SLIT3: variants seen among roughly 807,000 people sequenced by gnomAD.
SLIT3 encodes the protein slit guidance ligand 3.
In SLIT3, 68 loss-of-function variants were observed where a neutral mutation model predicts 184.0. That is an observed-to-expected ratio of 0.37 (90% confidence interval 0.30 to 0.45). SLIT3 has a LOEUF of 0.45. SLIT3 is among the 20% of genes least tolerant of loss of function. SLIT3 has a pLI of 1.00. For missense variants in SLIT3, 1,707 were observed against 2,026.0 expected, an observed-to-expected ratio of 0.84 and a Z score of 3.02; for synonymous variants, 831 against 828.6, an observed-to-expected ratio of 1.00 and a Z score of -0.05.
At chr5:168,740,994 G>A (rs574410480) in intron 20 of SLIT3, among the ~76,000 whole-genome samples, 115 of 152,306 alleles carry the variant, frequency 7.6e-4, no homozygotes, top group Non-Finnish European at 1.5e-3. Flanking sequence ...AGGGCAGGAA[G>A]CTCACTGCAC....
chr5:169,117,891 C>T (rs193171557), intron 4 of SLIT3, among the ~76,000 whole-genome samples: 3 of 152,190 alleles, frequency 2.0e-5, no homozygotes, highest in South Asian at 2.1e-4. Context: ...CAGGCCACAG[C>T]GCTTCCTAAG....
chr5:168,883,478 A>C (rs1760037497), intron 4 of SLIT3, 142 bp from the exon 5 acceptor site: 4 of 634,754 alleles, frequency 6.3e-6, no homozygotes, highest in South Asian at 3.7e-5. Flanking sequence ...CTCGGGCCCC[A>C]GGCTGCTACA....
At chr5:168,727,984 C>A (rs909425968) in intron 20 of SLIT3, among the ~76,000 whole-genome samples, 1 of 152,232 alleles carries the variant, frequency 6.6e-6, no homozygotes, top group South Asian at 2.1e-4. Context: ...AGGATCTCTT[C>A]TCCAGGGAGA....
intron 9 of SLIT3, among the ~76,000 whole-genome samples, chr5:168,799,190 C>G (rs1322865646): frequency 6.6e-6 from 1 of 152,176 alleles, no homozygotes; most frequent in Non-Finnish European, 1.5e-5. Context: ...TAGCCTAGTC[C>G]TGCAACCTAG....
intron 4 of SLIT3, among the ~76,000 whole-genome samples, chr5:169,155,825 G>A (rs1762285596): frequency 6.6e-6 from 1 of 152,164 alleles, no homozygotes; most frequent in South Asian, 2.1e-4. Context: ...GTGCACCCTG[G>A]TTAGAAGGAC....
At chr5:169,285,317 G>A (rs1267958478) in intron 1 of SLIT3, among the ~76,000 whole-genome samples, 2 of 152,148 alleles carry the variant, frequency 1.3e-5, no homozygotes, top group Non-Finnish European at 2.9e-5. Context: ...TTGAAAATAT[G>A]TTGATTTTGT....
intron 4 of SLIT3, among the ~76,000 whole-genome samples, chr5:169,042,193 A>G (rs1294435858): frequency 6.6e-6 from 1 of 152,220 alleles, no homozygotes; most frequent in African/African-American, 2.4e-5. Context: ...AGTGACAAAC[A>G]GAGCCCCTCA....
At chr5:168,741,269 G>C (rs1474909423) in intron 20 of SLIT3, among the ~76,000 whole-genome samples, 1 of 152,028 alleles carries the variant, frequency 6.6e-6, no homozygotes, top group Non-Finnish European at 1.5e-5. Flanking sequence ...AGGAGATTGA[G>C]ACCATCCTGG....
At chr5:168,908,738 A>G (rs537157710) in intron 4 of SLIT3, among the ~76,000 whole-genome samples, 6 of 152,326 alleles carry the variant, frequency 3.9e-5, no homozygotes, top group African/African-American at 1.4e-4. Context: ...TTATCCTGAA[A>G]TCATACGAAA....
At chr5:168,940,803 T>C (rs571454840) in intron 4 of SLIT3, among the ~76,000 whole-genome samples, 1 of 152,108 alleles carries the variant, frequency 6.6e-6, no homozygotes, top group Non-Finnish European at 1.5e-5. Flanking sequence ...TCATAACCAA[T>C]GTGAAAATGC....
At chr5:169,191,179 T>C (rs989313537) in intron 4 of SLIT3, among the ~76,000 whole-genome samples, 1 of 152,292 alleles carries the variant, frequency 6.6e-6, no homozygotes, top group South Asian at 2.1e-4. Flanking sequence ...GAATAGTGGA[T>C]AAAAGAATCA....
chr5:168,727,553 C>A (rs1297972875), intron 20 of SLIT3, among the ~76,000 whole-genome samples: 9 of 152,086 alleles, frequency 5.9e-5, no homozygotes, highest in Non-Finnish European at 8.8e-5. Context: ...GGGTAGATCA[C>A]GCTGAGGCCT....
At chr5:169,269,307 G>A (rs1028542014) in intron 1 of SLIT3, among the ~76,000 whole-genome samples, 1 of 152,198 alleles carries the variant, frequency 6.6e-6, no homozygotes. Flanking sequence ...CCACGCAACC[G>A]GCCTTGGCCC....
At chr5:169,159,952 C>T (rs1183476565) in intron 4 of SLIT3, among the ~76,000 whole-genome samples, 1 of 152,186 alleles carries the variant, frequency 6.6e-6, no homozygotes, top group Non-Finnish European at 1.5e-5. Context: ...CCAACTTAGA[C>T]TACTGGGATA....
At chr5:169,240,208 T>C (rs1052780665) in intron 3 of SLIT3, among the ~76,000 whole-genome samples, 3 of 152,020 alleles carry the variant, frequency 2.0e-5, no homozygotes, top group Admixed American at 6.6e-5. Context: ...CTTGAAAAGA[T>C]GTCTATTCTA....
chr5:168,770,646 G>A lies in SLIT3; in HGVS notation c.1459+2135C>T, dbSNP rs78756052. Among the ~76,000 whole-genome samples, 435 of 135,140 alleles carry A rather than the reference G, an allele frequency of 3.2e-3. 3 individuals are homozygous for A. Among genetic ancestry groups the A allele is most frequent in the African/African-American group, 9.0e-3 (323 of 35,880 alleles). 88.7% of individuals were successfully genotyped at this position (135,140 alleles called of 152,430 possible). ...CTCTACTTTTTAGGAATAATCTTTCGCTTAGCATTGTTTTTTTTTTTAAAA... is the reference window on the plus strand; with the variant it reads ...CTCTACTTTTTAGGAATAATCTTTCACTTAGCATTGTTTTTTTTTTTAAAA... On this transcript the variant is annotated intron_variant, in intron 14 of 35. Transcript: ENST00000519560.
intron 8 of SLIT3, among the ~76,000 whole-genome samples, chr5:168,809,429 C>T (rs1460680860): frequency 1.3e-5 from 2 of 152,206 alleles, no homozygotes; most frequent in Non-Finnish European, 2.9e-5. Context: ...ACCAGCCAGG[C>T]ATTCGCACAT....
At chr5:168,736,173 C>T (rs186110716) in intron 20 of SLIT3, among the ~76,000 whole-genome samples, 6 of 152,316 alleles carry the variant, frequency 3.9e-5, no homozygotes, top group Admixed American at 1.3e-4. Context: ...TCAGCTGCTA[C>T]CACAGTGTGT....
chr5:168,820,037 A>ATAC (rs1233450327), intron 7 of SLIT3, among the ~76,000 whole-genome samples: 3 of 152,186 alleles, frequency 2.0e-5, no homozygotes, highest in African/African-American at 7.2e-5. Flanking sequence ...GCCTTTCACA[A>ATAC]CATGTTTGGG....
Sources: allele counts gnomAD v4.1 joint callset (sites outside exome capture counted in the v4.1 genomes callset), GRCh38; gene constraint gnomAD v4.1.1; transcripts MANE v1.5; gene names NCBI Gene and HGNC (gene_info 2026-07-23, HGNC 2026-07-21).